Variants in OGDH observed in about 807,000 individuals in gnomAD.
OGDH encodes the protein 2-oxoglutarate dehydrogenase complex component E1.
A neutral mutation model predicts 116.6 loss-of-function variants in OGDH; 38 were observed. That is an observed-to-expected ratio of 0.33 (90% CI 0.25 to 0.43). The LOEUF (loss-of-function observed/expected upper bound fraction) is 0.43, where lower values mean the gene tolerates loss of function less well. Ranked by LOEUF, OGDH falls within the 20% of genes least tolerant of loss-of-function variation. The pLI is 1.00. For synonymous variants in OGDH, 488 were observed against 533.3 expected (o/e 0.92, Z 1.17); for missense variants, 825 against 1,357.2 (o/e 0.61, Z 6.16).
chr7:44,667,327 G>C (rs1787228759), intron 5 of OGDH, among the ~76,000 whole-genome samples: 1 of 152,162 alleles, frequency 6.6e-6, no homozygotes, highest in African/African-American at 2.4e-5. Flanking sequence ...TTTGTGATCA[G>C]CCATAGAGAG....
chr7:44,654,367 T>C (rs1047103430), intron 4 of OGDH, among the ~76,000 whole-genome samples: 3 of 152,220 alleles, frequency 2.0e-5, no homozygotes, highest in African/African-American at 7.2e-5. Context: ...ACTTAGTTCT[T>C]GCCTTTCTCT....
At chr7:44,620,986 G>T (rs942805975) in intron 1 of OGDH, among the ~76,000 whole-genome samples, 1 of 152,236 alleles carries the variant, frequency 6.6e-6, no homozygotes, top group Admixed American at 6.5e-5. Context: ...AGTTGACTTA[G>T]TGTCAGTTAC....
intron 10 of OGDH, among the ~76,000 whole-genome samples, chr7:44,693,269 T>G (rs991630145): frequency 8.6e-5 from 13 of 151,868 alleles, no homozygotes; most frequent in African/African-American, 3.1e-4. Context: ...GATCACGCCA[T>G]TGCACTCTGC....
chr7:44,696,142 A>T lies in OGDH; in HGVS notation c.1771+15A>T. 6.6e-7 allele frequency: 1 copy of T among 1,523,916 alleles called. No individual in the cohort carries two copies. The highest frequency in any genetic ancestry group is 9.1e-7 in the Non-Finnish European group (1 of 1,097,910). 94.4% of individuals were successfully genotyped at this position (1,523,916 alleles called of 1,614,324 possible). On this transcript the variant is annotated intron_variant, in intron 13 of 22. Coordinates refer to ENST00000222673, the MANE Select transcript of OGDH (RefSeq NM_002541.4). ...TCCCTGGCCTGGTGAGTGAAGAAAC[A>T]GTGCCACAAATAAGCTCCTTTGAGG...
Position 44,645,363 on chromosome 7 carries a change from G to A in OGDH, c.259G>A (p.Ala87Thr). The change falls in exon 3 of 23, where the codon GCC (alanine) becomes ACC (threonine). Residue 87 changes from alanine to threonine, a missense_variant. Around this residue, in one of 7 missense-constraint regions of OGDH, gnomAD observed 126 missense variants for 130.4 expected, o/e 0.97. Transcript: ENST00000222673. ...DIFFRNTNAG[A>T]PPGTAYQSPL... Reference sequence around the variant, plus strand: ...TTTTTTTCGCAACACGAATGCCGGAGCCCCACCGGGCACTGCCTACCAGAG... The same window carrying A: ...TTTTTTTCGCAACACGAATGCCGGAACCCCACCGGGCACTGCCTACCAGAG... 2 of 1,614,062 alleles carry A rather than the reference G, an allele frequency of 1.2e-6. No homozygotes were observed. Among genetic ancestry groups the A allele is most frequent in the Non-Finnish European group, 1.7e-6 (2 of 1,179,990 alleles).
In OGDH at chr7:44,661,936, A is replaced by C. The variant is rs145393083; in HGVS notation, c.518-4800A>C. On this transcript the variant is annotated intron_variant, in intron 4 of 22. Transcript: ENST00000222673. ...TATCCTTTTATATAGCATTTTTAGT[A>C]GTTGTTTTAGGTATTACTACTTTAT... 2.5e-3 allele frequency among the ~76,000 whole-genome samples: 379 copies of C among 152,210 alleles called. 1 individual carries two copies. Among genetic ancestry groups the C allele is most frequent in the African/African-American group, 8.8e-3 (366 of 41,526 alleles).
At chr7:44,608,240 A>G (rs1784430675) in intron 1 of OGDH, among the ~76,000 whole-genome samples, 1 of 152,148 alleles carries the variant, frequency 6.6e-6, no homozygotes, top group East Asian at 1.9e-4. Context: ...GGCGTCTACA[A>G]AAAATAAAAT....
At position 44,707,403 on chromosome 7, in the gene OGDH, T is replaced by C; in HGVS notation, c.2796+15T>C. ...GGATTGAGCAGGTGAGGGCAGGTGG[T>C]GCCATCAGGGTGTCCCCCCAGCGGG... On this transcript the variant is annotated intron_variant, in intron 21 of 22. Coordinates refer to ENST00000222673, the MANE Select transcript of OGDH (RefSeq NM_002541.4). This position sits in a 1 kb window ranked among gnomAD's most constrained non-coding sequence, Gnocchi z 5.2. The C allele has an allele frequency of 6.2e-7, 1 of 1,613,920 alleles. No homozygotes were observed. Among genetic ancestry groups the C allele is most frequent in the Non-Finnish European group, 8.5e-7 (1 of 1,179,876 alleles).
At chr7:44,647,997 G>A (rs866257660) in intron 4 of OGDH, among the ~76,000 whole-genome samples, 17 of 152,230 alleles carry the variant, frequency 1.1e-4, no homozygotes, top group Admixed American at 9.2e-4. Context: ...GGACAGAAAG[G>A]TTTGTGGCAC....
At chr7:44,702,189 T>A (rs1788863069) in intron 20 of OGDH, among the ~76,000 whole-genome samples, 1 of 151,972 alleles carries the variant, frequency 6.6e-6, no homozygotes, top group East Asian at 1.9e-4. Context: ...CACCTGCAAA[T>A]GCCCCCAAGG....
At chr7:44,630,498 T>G (rs913347692) in intron 2 of OGDH, among the ~76,000 whole-genome samples, 1 of 152,254 alleles carries the variant, frequency 6.6e-6, no homozygotes, top group Non-Finnish European at 1.5e-5. Flanking sequence ...GTGGTTGGAA[T>G]GCATTTTGAG....
At chr7:44,695,990 G>A in intron 12 of OGDH, 35 bp from the exon 13 acceptor site, 1 of 1,184,796 alleles carries the variant, frequency 8.4e-7, no homozygotes, top group East Asian at 2.3e-5. Context: ...GTCATGCCCT[G>A]TGCCAGTCAC....
rs146944593 is a variant in OGDH, at chr7:44,707,338, C to T, written c.2746C>T (p.Arg916Cys). 85 of 1,614,138 alleles carry T rather than the reference C, an allele frequency of 5.3e-5. No homozygotes were observed. The highest frequency in any genetic ancestry group is 6.7e-5 in the Non-Finnish European group (79 of 1,180,054). ...AGTGTATTATGACCTCACCCGGGAG[C>T]GCAAAGCACGCGACATGGTGGGGCA... ...GKVYYDLTRERKARDMVGQVA... is the reference protein window; with the variant it reads ...GKVYYDLTRECKARDMVGQVA... Residue 916 changes from arginine (R) to cysteine (C), a missense_variant, in exon 21 of 23, where the codon CGC becomes TGC. Physicochemically the swap from Arg to Cys is radical, Grantham distance 180. Coordinates refer to ENST00000222673, the MANE Select transcript of OGDH (RefSeq NM_002541.4). This position sits in a 1 kb window ranked among gnomAD's most constrained non-coding sequence, Gnocchi z 5.2.
At chr7:44,654,181 C>T (rs17133743) in intron 4 of OGDH, among the ~76,000 whole-genome samples, 2,543 of 152,232 alleles carry the variant, frequency 0.017, 70 homozygotes, top group African/African-American at 0.058. Context: ...GAGATTTAAA[C>T]ATAATTAAAA....
At chr7:44,640,580 TG>T (rs1785886348) in intron 2 of OGDH, among the ~76,000 whole-genome samples, 1 of 152,224 alleles carries the variant, frequency 6.6e-6, no homozygotes, top group Admixed American at 6.5e-5. Context: ...TAAAGGAGGC[TG>T]TCTGTACAGC....
intron 4 of OGDH, among the ~76,000 whole-genome samples, chr7:44,658,941 T>C (rs1229926257): frequency 6.6e-6 from 1 of 152,036 alleles, no homozygotes; most frequent in East Asian, 1.9e-4. Context: ...GTTCAAGCAA[T>C]TCTCCCACCT....
chr7:44,624,532 T>A lies in OGDH; in HGVS notation c.189T>A (p.Cys63Ter). ...TSSNYVEEMY[C>*]AWLENPKSVH... ...CGAACTATGTGGAGGAGATGTACTG[T>A]GCTTGGCTGGAAAACCCCAAAAGTG... Residue 63 changes from cysteine (C) to a stop codon, truncating the protein, a stop_gained, in exon 2 of 23, where the codon TGT becomes TGA. Transcript: ENST00000222673. LOFTEE classifies it high-confidence loss of function. 1.2e-6 allele frequency: 2 copies of A among 1,613,864 alleles called. No individual in the cohort carries two copies. Among genetic ancestry groups the A allele is most frequent in the Non-Finnish European group, 1.7e-6 (2 of 1,180,024 alleles).
chr7:44,682,316 T>C (rs949193707), intron 10 of OGDH, among the ~76,000 whole-genome samples: 31 of 145,612 alleles, frequency 2.1e-4, no homozygotes, highest in African/African-American at 7.2e-4. Context: ...ACCCGAGAGG[T>C]GAAGGTTACA....
At chr7:44,619,333 C>G (rs935629104) in intron 1 of OGDH, among the ~76,000 whole-genome samples, 4 of 152,148 alleles carry the variant, frequency 2.6e-5, no homozygotes, top group Admixed American at 2.6e-4. Flanking sequence ...TAGGAGGCAG[C>G]CTTGTGGGAT....
Sources: gnomAD v4.1 joint callset for allele counts (sites outside exome capture counted in the v4.1 genomes callset) on GRCh38, gnomAD v4.1.1 for gene constraint, gnomAD v4.1.1 regional missense constraint, Gnocchi (gnomAD v3.1) non-coding constraint, MANE v1.5 for transcripts, NCBI Gene and HGNC (gene_info 2026-07-23, HGNC 2026-07-21) for gene names.